The following INTS14 variants were observed in gnomAD, a reference collection of about 807,000 sequenced individuals.
INTS14 encodes the protein integrator complex subunit 14.
A neutral mutation model predicts 56.9 loss-of-function variants in INTS14; 27 were observed. The observed-to-expected ratio is 0.47, with a 90% CI of 0.35 to 0.65. The LOEUF (loss-of-function observed/expected upper bound fraction) is 0.65, where lower values mean the gene tolerates loss of function less well. Ranked by LOEUF, INTS14 falls within the 30% of genes least tolerant of loss-of-function variation. The pLI is 0.00. For missense variants in INTS14, 517 were observed against 632.2 expected (o/e 0.82, Z 1.95); for synonymous variants, 207 against 236.2 (o/e 0.88, Z 1.13).
At chr15:65,592,191 C>T (rs2073054634) in intron 8 of INTS14, among the ~76,000 whole-genome samples, 1 of 152,214 alleles carries the variant, frequency 6.6e-6, no homozygotes, top group African/African-American at 2.4e-5. Context: ...AGATGATTCT[C>T]ATATTCAGAC....
intron 3 of INTS14, among the ~76,000 whole-genome samples, chr15:65,604,661 T>C (rs957230116): frequency 1.7e-4 from 25 of 150,842 alleles, no homozygotes; most frequent in African/African-American, 2.7e-4. Flanking sequence ...GCCTCGGTGG[T>C]TGAAGCTACA....
At chr15:65,597,225 A>G (rs1211741837) in intron 6 of INTS14, among the ~76,000 whole-genome samples, 1 of 152,330 alleles carries the variant, frequency 6.6e-6, no homozygotes, top group Non-Finnish European at 1.5e-5. Flanking sequence ...GACTGTTCAC[A>G]GCCCCTCACT....
In INTS14 at chr15:65,598,303, GT is replaced by G; in HGVS notation, c.748+17del. On this transcript the variant is annotated intron_variant, in intron 6 of 11. Coordinates refer to ENST00000313182, the MANE Select transcript of INTS14 (RefSeq NM_001394796.1). ...GGATAACAGAGAAACTAAGAAATAA[GT>G]TTTTTTAAAAAGTTACCTGTGTTAA... 6.2e-7 allele frequency: 1 copy of G among 1,605,624 alleles called. No homozygotes were observed. Among genetic ancestry groups the G allele is most frequent in the Non-Finnish European group, 8.5e-7 (1 of 1,175,158 alleles).
chr15:65,604,582 T>C (rs2073573009), intron 3 of INTS14, among the ~76,000 whole-genome samples: 1 of 151,776 alleles, frequency 6.6e-6, no homozygotes, highest in African/African-American at 2.4e-5. Context: ...TGTAAAAAAT[T>C]AGCCAGGTAT....
At chr15:65,604,144 G>A (rs141499739) in intron 3 of INTS14, among the ~76,000 whole-genome samples, 1,936 of 152,212 alleles carry the variant, frequency 0.013, 53 homozygotes, top group African/African-American at 0.045. Flanking sequence ...GTGCAGTGGC[G>A]CAATCTCGGC....
chr15:65,607,472 C>A (rs2141332473), intron 1 of INTS14, 30 bp from the exon 2 acceptor site: 2 of 1,541,740 alleles, frequency 1.3e-6, no homozygotes, highest in East Asian at 2.3e-5. Flanking sequence ...TCTTACATGT[C>A]ATGGAGAGAA....
intron 3 of INTS14, among the ~76,000 whole-genome samples, chr15:65,603,874 C>G (rs2073538824): frequency 6.6e-6 from 1 of 152,116 alleles, no homozygotes; most frequent in Admixed American, 6.5e-5. Flanking sequence ...ACCTACAAAG[C>G]CTAAAATACA....
At chr15:65,586,796 G>A (rs2072841729) in intron 9 of INTS14, 1 of 152,080 alleles carries the variant, frequency 6.6e-6, no homozygotes, top group African/African-American at 2.4e-5. Context: ...ACAAATATAT[G>A]TTCCAGAAAA....
intron 1 of INTS14, among the ~76,000 whole-genome samples, chr15:65,608,095 G>A (rs1697106608): frequency 6.6e-6 from 1 of 152,212 alleles, no homozygotes; most frequent in African/African-American, 2.4e-5. Flanking sequence ...AATATGTAAG[G>A]TCGGGCACAG....
chr15:65,591,827 G>C (rs2073044691), intron 8 of INTS14, 96 bp from the exon 9 acceptor site: 9 of 1,407,038 alleles, frequency 6.4e-6, no homozygotes, highest in East Asian at 4.7e-5. Context: ...AGAGACACAG[G>C]CTTCAGCTTT....
intron 9 of INTS14, among the ~76,000 whole-genome samples, chr15:65,589,691 T>C (rs912921246): frequency 6.6e-6 from 1 of 152,206 alleles, no homozygotes; most frequent in Admixed American, 6.5e-5. Context: ...TGTACTTCTA[T>C]GAGCTCATTT....
chr15:65,607,146 C>CAG lies in INTS14; in HGVS notation c.222+12_222+13insCT, dbSNP rs1292941067. On this transcript the variant is annotated intron_variant, in intron 2 of 11. Coordinates refer to ENST00000313182, the MANE Select transcript of INTS14 (RefSeq NM_001394796.1). ...TAGGCCCTGTACATACAATAACTTA[C>CAG]TACATTTTGTACCTGTAGGGTATTA... 8 of 1,612,562 alleles carry CAG rather than the reference C, an allele frequency of 5.0e-6. No homozygotes were observed.
intron 9 of INTS14, among the ~76,000 whole-genome samples, chr15:65,585,216 T>C (rs1004672067): frequency 6.6e-6 from 1 of 152,064 alleles, no homozygotes; most frequent in African/African-American, 2.4e-5. Flanking sequence ...CACATATATA[T>C]ACTGCAATTC....
rs74021148 is a variant in INTS14, at chr15:65,609,576, C to T, written c.-63+1522G>A. Among the ~76,000 whole-genome samples, 1,051 of 152,252 alleles carry T rather than the reference C, an allele frequency of 6.9e-3. 12 individuals carry two copies. The highest frequency in any genetic ancestry group is 0.024 in the African/African-American group (1,010 of 41,526). ...CAACAATTTGATAACAACTGATGAA[C>T]TACCCCTAAATCACCAGATATACCA... On this transcript the variant is annotated intron_variant, in intron 1 of 11. Transcript: ENST00000313182.
intron 1 of INTS14, among the ~76,000 whole-genome samples, chr15:65,607,884 T>C (rs1226195613): frequency 1.3e-5 from 2 of 152,248 alleles, no homozygotes; most frequent in Non-Finnish European, 2.9e-5. Flanking sequence ...TGTTTAATTA[T>C]TTTGTTGGTT....
At chr15:65,595,896 T>C in intron 6 of INTS14, 71 bp from the exon 7 acceptor site, 1 of 1,208,648 alleles carries the variant, frequency 8.3e-7, no homozygotes, top group South Asian at 1.4e-5. Flanking sequence ...TGTATTACAT[T>C]TCACAAATGC....
intron 1 of INTS14, chr15:65,610,731 T>A (rs948766559): frequency 7.2e-6 from 11 of 1,535,680 alleles, no homozygotes; most frequent in Non-Finnish European, 9.6e-6. Flanking sequence ...CCTCCCCAGT[T>A]CTCAGATATA....
chr15:65,610,976 G>A, intron 1 of INTS14, 122 bp downstream of exon 1: 2 of 1,489,832 alleles, frequency 1.3e-6, no homozygotes, highest in East Asian at 2.5e-5. Flanking sequence ...AGCGCGGGGC[G>A]GCCGCCACGG....
At chr15:65,582,573 G>A (rs1467888839) in intron 10 of INTS14, among the ~76,000 whole-genome samples, 3 of 152,102 alleles carry the variant, frequency 2.0e-5, no homozygotes, top group South Asian at 2.1e-4. Context: ...GTAGTGAGAT[G>A]TGTTTCTCAA....
Sources: allele counts gnomAD v4.1 joint callset (sites outside exome capture counted in the v4.1 genomes callset), GRCh38; gene constraint gnomAD v4.1.1; transcripts MANE v1.5; gene names NCBI Gene and HGNC (gene_info 2026-07-23, HGNC 2026-07-21).